The following MAP3K6 variants were observed in gnomAD, a reference collection of about 807,000 sequenced individuals.
MAP3K6 encodes apoptosis signal-regulating kinase 2.
A neutral mutation model predicts 147.1 loss-of-function variants in MAP3K6; 105 were observed. That is an observed-to-expected ratio of 0.71 (90% CI 0.61 to 0.84). MAP3K6 has a LOEUF of 0.84. Ranked by LOEUF, MAP3K6 falls within the 40% of genes least tolerant of loss-of-function variation. MAP3K6 has a pLI of 0.00. For synonymous variants in MAP3K6, 695 were observed against 732.4 expected (o/e 0.95, Z 0.82); for missense variants, 1,569 against 1,715.0 (o/e 0.91, Z 1.50).
In MAP3K6 at chr1:27,362,077, AGGGGGCCACCTACCATAT is replaced by A. The variant is rs1479316765; in HGVS notation, c.1411_1415+13del. 1 of 1,602,484 alleles carries A rather than the reference AGGGGGCCACCTACCATAT, an allele frequency of 6.2e-7. No homozygotes were observed. The highest frequency in any genetic ancestry group is 2.2e-5 in the East Asian group (1 of 44,758). On this transcript the variant is annotated splice_donor_variant and splice_donor_5th_base_variant and coding_sequence_variant and intron_variant, in exon 9 of 29. Coordinates refer to ENST00000357582, the MANE Select transcript of MAP3K6 (RefSeq NM_004672.5). LOFTEE classifies it high-confidence loss of function. ...AGCCCAGGTCAGGCCAAGAATGCAG[AGGGGGCCACCTACCATAT>A]GGGGGCATTGAGCTTATACAGCTGC...
chr1:27,362,752 A>G lies in MAP3K6; in HGVS notation c.1144T>C (p.Tyr382His). Residue 382 changes from tyrosine to histidine, a missense_variant and splice_region_variant, in exon 8 of 29, where the codon TAT becomes CAT. By Grantham distance (83) the Tyr-to-His change is moderately conservative. Transcript: ENST00000357582. ...AGHREQAYHW[Y>H]RKAFDVEPSL... ...GGCTCTACGTCAAAAGCCTTGCGATACCTGGGGTGGGGGTAGGGGGCACAG... is the reference window on the plus strand; with the variant it reads ...GGCTCTACGTCAAAAGCCTTGCGATGCCTGGGGTGGGGGTAGGGGGCACAG... 1 of 1,612,890 alleles carries G rather than the reference A, an allele frequency of 6.2e-7. No homozygotes were observed. Among genetic ancestry groups the G allele is most frequent in the Non-Finnish European group, 8.5e-7 (1 of 1,179,378 alleles).
chr1:27,362,932 CA>C lies in MAP3K6; in HGVS notation c.1060del (p.Cys354AlafsTer35). 1 of 1,614,136 alleles carries C rather than the reference CA, an allele frequency of 6.2e-7. No individual in the cohort carries two copies. Among genetic ancestry groups the C allele is most frequent in the Non-Finnish European group, 8.5e-7 (1 of 1,180,016 alleles). On this transcript the variant is annotated frameshift_variant, in exon 7 of 29. Coordinates refer to ENST00000357582, the MANE Select transcript of MAP3K6 (RefSeq NM_004672.5). LOFTEE classifies it high-confidence loss of function. ...GTCCTTGTAGATACGGCCACACATG[CA>C]GTACAGATCGGGCGCCACAGAGCCC... is the stretch of plus-strand genomic sequence containing the variant. The part of the protein sequence containing the change: ...LEGSVAPDLY[C>X]MCGRIYKDMF...
At position 27,366,244 on chromosome 1, in the gene MAP3K6, C is replaced by T. The variant is rs1184363726; in HGVS notation, c.340+14G>A. 2.3e-6 allele frequency: 3 copies of T among 1,311,556 alleles called. No homozygotes were observed. The highest frequency in any genetic ancestry group is 3.1e-5 in the East Asian group (1 of 32,390). The allele number at this position is 1,311,556 out of a possible 1,614,324, so 81.2% of individuals were successfully genotyped here. On this transcript the variant is annotated intron_variant, in intron 1 of 28. Transcript: ENST00000357582. The surrounding 1 kb of genome is among the most constrained non-coding windows in gnomAD (Gnocchi z 5.5). ...AGTCCCGCCCGGATCCGGCCCCGCCCCCAGCGCTCTCACCCGCGTTGTAGA... is the reference window on the plus strand; with the variant it reads ...AGTCCCGCCCGGATCCGGCCCCGCCTCCAGCGCTCTCACCCGCGTTGTAGA...
At position 27,357,528 on chromosome 1, in the gene MAP3K6, C is replaced by T. The variant is rs778812354; in HGVS notation, c.3130G>A (p.Gly1044Arg). The change falls in exon 23 of 29, where the codon GGG (glycine) becomes AGG (arginine). Residue 1044 changes from glycine to arginine, a missense_variant. Transcript: ENST00000357582. ...NHVEELLRCL[G>R]AHIHTPNRRQ... ...CGGTTGGGAGTGTGGATGTGTGCCCCGAGGCAGCGCAGCAGCTCTTCCACA... is the reference window on the plus strand; with the variant it reads ...CGGTTGGGAGTGTGGATGTGTGCCCTGAGGCAGCGCAGCAGCTCTTCCACA... The T allele has an allele frequency of 6.8e-6, 11 of 1,613,388 alleles. No individual in the cohort carries two copies. The Middle Eastern group carries it at 5.0e-4, about 73-fold the overall frequency.
rs754591192 is a variant in MAP3K6, at chr1:27,363,497, A to T, written c.916T>A (p.Cys306Ser). The T allele has an allele frequency of 6.2e-7, 1 of 1,613,818 alleles. No individual in the cohort carries two copies. The highest frequency in any genetic ancestry group is 8.5e-7 in the Non-Finnish European group (1 of 1,179,876). Residue 306 changes from cysteine to serine, a missense_variant, in exon 6 of 29, where the codon TGT becomes AGT. By Grantham distance (112) the Cys-to-Ser change is moderately radical. Transcript: ENST00000357582. Reference protein sequence around the residue: ...LVETLQALPTCDVAEQHNVCF... With the variant: ...LVETLQALPTSDVAEQHNVCF... ...ACATTATGCTGCTCGGCCACATCAC[A>T]GGTGGGCAAGGCCTGCAGCGTCTCC... is the stretch of plus-strand genomic sequence containing the variant.
Position 27,358,856 on chromosome 1 carries a change from C to G in MAP3K6, c.2436G>C (p.Gln812His). ...PCTETFTGTL[Q>H]YMAPEIIDQG... ...GGTCAATGATTTCTGGGGCCATATA[C>G]TGCAGAGTTCCTAGGACAGAAACAG... The change falls in exon 19 of 29, where the codon CAG (glutamine) becomes CAC (histidine). Residue 812 changes from glutamine to histidine, a missense_variant. By Grantham distance (24) the Gln-to-His change is conservative (BLOSUM62 0). Transcript: ENST00000357582. This position sits in a 1 kb window ranked among gnomAD's most constrained non-coding sequence, Gnocchi z 6.2. The G allele has an allele frequency of 4.4e-6, 7 of 1,579,030 alleles. No individual in the cohort carries two copies. Among genetic ancestry groups the G allele is most frequent in the Non-Finnish European group, 6.0e-6 (7 of 1,162,022 alleles).
Position 27,364,945 on chromosome 1 carries a change from G to C in MAP3K6, c.341-33C>G. 1.3e-6 allele frequency: 2 copies of C among 1,545,950 alleles called. No individual in the cohort carries two copies. Among genetic ancestry groups the C allele is most frequent in the Non-Finnish European group, 1.8e-6 (2 of 1,142,580 alleles). On this transcript the variant is annotated intron_variant, in intron 1 of 28. Transcript: ENST00000357582. The surrounding 1 kb of genome is among the most constrained non-coding windows in gnomAD (Gnocchi z 4.4). The stretch of plus-strand genomic sequence containing the variant: ...CACAGAGGGGGTGGCGCTGATCCCT[G>C]AAGCCCAGCTTGATGGGGAAGGAGC...
rs1307559125 is a variant in MAP3K6, at chr1:27,363,925, C to T, written c.856G>A (p.Asp286Asn). The change falls in exon 5 of 29, where the codon GAT becomes AAT. Residue 286 changes from aspartate (D) to asparagine (N), a missense_variant. Coordinates refer to ENST00000357582, the MANE Select transcript of MAP3K6 (RefSeq NM_004672.5). ...CTCTGAACACCACGCACCTGCACAT[C>T]GCGGTAGGAGAGCAGCAAGTTCATG... ...IIMNLLLSYR[D>N]VQDYSAIIEL... The T allele has an allele frequency of 1.9e-6, 3 of 1,592,376 alleles. No homozygotes were observed. The highest frequency in any genetic ancestry group is 1.7e-4 in the Middle Eastern group (1 of 6,012).
In MAP3K6 at chr1:27,363,588, C is replaced by T. The variant is rs1202443027; in HGVS notation, c.865-40G>A. The T allele has an allele frequency of 2.7e-6, 4 of 1,485,190 alleles. No homozygotes were observed. In the African/African-American group the frequency reaches 5.6e-5, roughly 21 times the overall value. 92.0% of individuals were successfully genotyped at this position (1,485,190 alleles called of 1,614,324 possible). ...GGCAAGCACTGGCATCATGGGCCTC[C>T]AGGCCCCAAGGAACCTTGAGCCAGG... On this transcript the variant is annotated intron_variant, in intron 5 of 28. Transcript: ENST00000357582.
At chr1:27,356,138 T>C in intron 26 of MAP3K6, 39 bp from the exon 27 acceptor site, 2 of 1,580,334 alleles carry the variant, frequency 1.3e-6, no homozygotes, top group Non-Finnish European at 1.7e-6. Context: ...CAAGAGTGCC[T>C]CCTGCTAGAA....
intron 23 of MAP3K6, 141 bp from the exon 24 acceptor site, chr1:27,357,255 G>T (rs2015562620): frequency 1.5e-6 from 2 of 1,300,188 alleles, no homozygotes; most frequent in Non-Finnish European, 2.1e-6. Context: ...GGGAAGCTAG[G>T]ACTGGGCAGA....
intron 13 of MAP3K6, 61 bp downstream of exon 13, chr1:27,361,096 C>T: frequency 6.5e-7 from 1 of 1,539,656 alleles, no homozygotes. Flanking sequence ...CCCTTTCTTT[C>T]CCCCACTCCC....
Position 27,362,223 on chromosome 1 carries a change from C to A in MAP3K6, c.1283G>T (p.Arg428Leu), listed in dbSNP as rs760459543. The part of the protein sequence containing the change: ...IGMKLGCLLA[R>L]KGCVEKMQYY... The stretch of plus-strand genomic sequence containing the variant: ...CTGCATCTTCTCCACGCAGCCTTTG[C>A]GGGCCAGCAGGCAGCCCAGCTTCAT... The change falls in exon 9 of 29, where the codon CGC becomes CTC. Residue 428 changes from arginine (R) to leucine (L), a missense_variant. Physicochemically the swap from Arg to Leu is moderately radical, Grantham distance 102. Coordinates refer to ENST00000357582, the MANE Select transcript of MAP3K6 (RefSeq NM_004672.5). The A allele has an allele frequency of 1.2e-6, 2 of 1,612,368 alleles. No individual in the cohort carries two copies. The highest frequency in any genetic ancestry group is 1.3e-5 in the African/African-American group (1 of 74,912).
chr1:27,356,122 T>A, intron 26 of MAP3K6, 23 bp from the exon 27 acceptor site: 1 of 1,609,712 alleles, frequency 6.2e-7, no homozygotes, highest in Non-Finnish European at 8.5e-7. Context: ...AGTCAGGTGA[T>A]GAGCCCAAGA....
chr1:27,356,831 C>A, intron 24 of MAP3K6, 82 bp from the exon 25 acceptor site: 1 of 1,497,024 alleles, frequency 6.7e-7, no homozygotes, highest in Non-Finnish European at 8.9e-7. Context: ...GGGTAGGGTG[C>A]CCGGCTCTGG....
rs962262758 is a variant in MAP3K6, at chr1:27,362,690, G to A, written c.1206C>T (p.Leu402=). Reference sequence around the variant, plus strand: ...CCTCAAAGTGCTGCCCGGCAGCAATGAGGAGCACAGCTGCATTGATGCCTG... The same window carrying A: ...CCTCAAAGTGCTGCCCGGCAGCAATAAGGAGCACAGCTGCATTGATGCCTG... ...LHSGINAAVL[L]IAAGQHFEDS... The change falls in exon 8 of 29, where the codon CTC becomes CTT. Residue 402 remains leucine, a synonymous_variant. Coordinates refer to ENST00000357582, the MANE Select transcript of MAP3K6 (RefSeq NM_004672.5). 10 of 1,608,718 alleles carry A rather than the reference G, an allele frequency of 6.2e-6. No homozygotes were observed. In the Middle Eastern group the frequency reaches 4.9e-4, roughly 79 times the overall value.
intron 6 of MAP3K6, 144 bp downstream of exon 6, chr1:27,363,298 A>G: frequency 1.4e-6 from 1 of 721,160 alleles, no homozygotes. Flanking sequence ...AACTCAGAAC[A>G]ACAGGGACCT....
chr1:27,366,484 G>A lies in MAP3K6; in HGVS notation c.114C>T (p.Gly38=). Residue 38 remains glycine (G), a synonymous_variant, in exon 1 of 29, where the codon GGC becomes GGT. Transcript: ENST00000357582. This position sits in a 1 kb window ranked among gnomAD's most constrained non-coding sequence, Gnocchi z 5.5. The part of the protein sequence containing the change: ...GRQLAAPPGR[G]CARSRPLSVV... ...CGCTGAGCGGCCGGCTCCGCGCGCA[G>A]CCCCGGCCCGGGGGCGCCGCGAGCT... 1.8e-6 allele frequency: 2 copies of A among 1,098,932 alleles called. No individual in the cohort carries two copies. The highest frequency in any genetic ancestry group is 2.2e-6 in the Non-Finnish European group (2 of 906,082). The allele number at this position is 1,098,932 out of a possible 1,614,324, so 68.1% of individuals were successfully genotyped here.
At position 27,364,228 on chromosome 1, in the gene MAP3K6, A is replaced by G; in HGVS notation, c.671T>C (p.Leu224Pro). ...CCAAGAGTCTGTGGGTGTGGCCTCC[A>G]GCAGGCGGGCAAGCCGGCCCACCAG... The part of the protein sequence containing the change: ...TPLVGRLARL[L>P]EATPTDSCGY... The change falls in exon 4 of 29, where the codon CTG (leucine) becomes CCG (proline). Residue 224 changes from leucine (L) to proline (P), a missense_variant. Coordinates refer to ENST00000357582, the MANE Select transcript of MAP3K6 (RefSeq NM_004672.5). The surrounding 1 kb of genome is among the most constrained non-coding windows in gnomAD (Gnocchi z 4.4). 1.2e-6 allele frequency: 2 copies of G among 1,612,510 alleles called. No individual in the cohort carries two copies. Among genetic ancestry groups the G allele is most frequent in the Non-Finnish European group, 1.7e-6 (2 of 1,179,876 alleles).
Sources: allele counts gnomAD v4.1 joint callset, GRCh38; gene constraint gnomAD v4.1.1; non-coding constraint Gnocchi (gnomAD v3.1); transcripts MANE v1.5; gene names NCBI Gene and HGNC (gene_info 2026-07-23, HGNC 2026-07-21).